The following GATAD2B variants were observed in gnomAD, a reference collection of about 807,000 sequenced individuals.
GATAD2B encodes GATA zinc finger domain containing 2B.
Under a neutral mutation model 64.3 loss-of-function variants are expected in GATAD2B, and 8 were observed. That is an observed-to-expected ratio of 0.12 (90% CI 0.07 to 0.22). GATAD2B has a LOEUF of 0.22. Among genes scored for constraint, GATAD2B ranks in the 10% least tolerant of loss-of-function variants. The pLI is 1.00. For missense variants in GATAD2B, 453 were observed against 752.0 expected, an observed-to-expected ratio of 0.60 and a Z score of 4.65; for synonymous variants, 281 against 271.3, an observed-to-expected ratio of 1.04 and a Z score of -0.35.
rs1186486441 is a variant in GATAD2B, at chr1:153,914,162, G to C, written c.-2+8571C>G. On this transcript the variant is annotated intron_variant, in intron 1 of 10. Transcript: ENST00000368655. ...GGAGGCTGACACAGGAGAATCGTTT[G>C]AACCCGGGAGGCGGAGGTTGCAGTG... 7.3e-5 allele frequency among the ~76,000 whole-genome samples: 10 copies of C among 137,188 alleles called. No individual in the cohort carries two copies. The East Asian group carries it at 2.3e-3, about 31-fold the overall frequency. 90.0% of individuals were successfully genotyped at this position (137,188 alleles called of 152,430 possible).
intron 1 of GATAD2B, chr1:153,852,381 G>A: frequency 9.7e-6 from 8 of 826,406 alleles, no homozygotes; most frequent in Non-Finnish European, 1.7e-5. Flanking sequence ...TCATATGCTT[G>A]GCCTGACCTT....
chr1:153,919,082 A>C (rs1678353923), intron 1 of GATAD2B, among the ~76,000 whole-genome samples: 1 of 152,258 alleles, frequency 6.6e-6, no homozygotes, highest in Admixed American at 6.5e-5. Context: ...TATTATTAAT[A>C]ACAAGTTCAC....
chr1:153,868,319 G>A (rs2101927288), intron 1 of GATAD2B, among the ~76,000 whole-genome samples: 1 of 152,116 alleles, frequency 6.6e-6, no homozygotes, highest in Admixed American at 6.6e-5. Context: ...CAAAATAACA[G>A]AACAATTTAG....
intron 1 of GATAD2B, among the ~76,000 whole-genome samples, chr1:153,901,547 G>A (rs1164985437): frequency 6.6e-6 from 1 of 152,090 alleles, no homozygotes; most frequent in Non-Finnish European, 1.5e-5. Flanking sequence ...ATGTCCAACT[G>A]CGCCCGATGG....
At chr1:153,913,917 CAAA>C (rs529962637) in intron 1 of GATAD2B, among the ~76,000 whole-genome samples, 4 of 100,126 alleles carry the variant, frequency 4.0e-5, no homozygotes, top group Non-Finnish European at 4.0e-5. Context: ...AAGACTCTGT[CAAA>C]AAAAAAAAAA....
chr1:153,812,001 A>T, intron 9 of GATAD2B, 21 bp downstream of exon 9: 1 of 1,457,098 alleles, frequency 6.9e-7, no homozygotes. Context: ...AGAAATCAGG[A>T]TCAGGCAAAA....
At chr1:153,870,520 C>G (rs1418739682) in intron 1 of GATAD2B, among the ~76,000 whole-genome samples, 1 of 152,034 alleles carries the variant, frequency 6.6e-6, no homozygotes, top group Admixed American at 6.6e-5. Flanking sequence ...TTGCAGTGAG[C>G]AGAGATCGCG....
chr1:153,883,322 A>G (rs1438603967), intron 1 of GATAD2B, among the ~76,000 whole-genome samples: 1 of 152,252 alleles, frequency 6.6e-6, no homozygotes, highest in Non-Finnish European at 1.5e-5. Context: ...ACTAAGTAGT[A>G]CTGGCCACTG....
chr1:153,897,916 C>G (rs1343812110), intron 1 of GATAD2B, among the ~76,000 whole-genome samples: 1 of 149,846 alleles, frequency 6.7e-6, no homozygotes, highest in East Asian at 2.0e-4. Flanking sequence ...AAGACCTCGA[C>G]GAACGGATGG....
At chr1:153,900,002 CCTAA>C (rs1349179302) in intron 1 of GATAD2B, among the ~76,000 whole-genome samples, 7 of 152,186 alleles carry the variant, frequency 4.6e-5, no homozygotes, top group South Asian at 4.1e-4. Flanking sequence ...TTGCAAACAC[CCTAA>C]CTGTTCCTCA....
In GATAD2B at chr1:153,807,170, G is replaced by A. The variant is rs993464801; in HGVS notation, c.*3007C>T. 5 of 152,210 alleles carry A rather than the reference G, an allele frequency of 3.3e-5. No homozygotes were observed. Among genetic ancestry groups the A allele is most frequent in the Admixed American group, 2.6e-4 (4 of 15,276 alleles). The allele number at this position is 152,210 out of a possible 1,614,324, so 9.4% of individuals were successfully genotyped here. A position where few individuals can be genotyped will look rare whatever the true frequency, so the allele number is the denominator to read the frequency against. The stretch of plus-strand genomic sequence containing the variant: ...TTAAAATACTGCTTTTAGTGCCTCT[G>A]GGGATGGAGGAAGCCAGGCAGAACT... On this transcript the variant is annotated 3_prime_UTR_variant, in exon 11 of 11. Coordinates refer to ENST00000368655, the MANE Select transcript of GATAD2B (RefSeq NM_020699.4).
At chr1:153,863,871 G>C (rs1317678050) in intron 1 of GATAD2B, among the ~76,000 whole-genome samples, 1 of 152,048 alleles carries the variant, frequency 6.6e-6, no homozygotes, top group African/African-American at 2.4e-5. Flanking sequence ...TGATCCACCT[G>C]CCTCGATCTC....
chr1:153,915,757 A>G (rs7541540), intron 1 of GATAD2B, among the ~76,000 whole-genome samples: 3,515 of 150,548 alleles, frequency 0.023, 170 homozygotes, highest in African/African-American at 0.081. Context: ...AAAAAAAAAA[A>G]AAAAGAAAAG....
chr1:153,814,911 G>A (rs939399712), intron 7 of GATAD2B, among the ~76,000 whole-genome samples: 2 of 151,318 alleles, frequency 1.3e-5, no homozygotes, highest in African/African-American at 4.9e-5. Context: ...AGGAGGTGGA[G>A]GTTGCAGTGA....
intron 1 of GATAD2B, among the ~76,000 whole-genome samples, chr1:153,893,223 A>C (rs1176227921): frequency 6.6e-6 from 1 of 152,170 alleles, no homozygotes; most frequent in Non-Finnish European, 1.5e-5. Context: ...AGTGACATAA[A>C]GATTTGTCAA....
chr1:153,902,205 C>T (rs1248810374), intron 1 of GATAD2B, among the ~76,000 whole-genome samples: 1 of 152,048 alleles, frequency 6.6e-6, no homozygotes, highest in African/African-American at 2.4e-5. Flanking sequence ...CACTTGAACC[C>T]AGGAGGCGGA....
intron 1 of GATAD2B, among the ~76,000 whole-genome samples, chr1:153,872,243 C>T (rs1420693401): frequency 4.2e-5 from 6 of 142,532 alleles, no homozygotes; most frequent in African/African-American, 1.0e-4. Flanking sequence ...CACTTGAACC[C>T]GGGAGGCAGA....
intron 2 of GATAD2B, among the ~76,000 whole-genome samples, chr1:153,827,155 G>T (rs1674911041): frequency 1.3e-5 from 2 of 150,340 alleles, no homozygotes; most frequent in African/African-American, 4.9e-5. Flanking sequence ...GTGGGGTGTG[G>T]GTTGGGGTTG....
At chr1:153,853,272 C>A in intron 1 of GATAD2B, 1 of 939,290 alleles carries the variant, frequency 1.1e-6, no homozygotes. Context: ...CCTGCCATCT[C>A]ACACACAGAC....
Sources: gnomAD v4.1 joint callset for allele counts (sites outside exome capture counted in the v4.1 genomes callset) on GRCh38, gnomAD v4.1.1 for gene constraint, MANE v1.5 for transcripts, NCBI Gene and HGNC (gene_info 2026-07-23, HGNC 2026-07-21) for gene names.